Variants in CHST9 observed in about 807,000 individuals in gnomAD.
CHST9 encodes GalNAc-4-sulfotransferase 2.
A neutral mutation model predicts 44.4 loss-of-function variants in CHST9; 41 were observed. The observed-to-expected ratio is 0.92, with a 90% CI of 0.72 to 1.20. The LOEUF (loss-of-function observed/expected upper bound fraction) is 1.20, where lower values mean the gene tolerates loss of function less well. CHST9 is among the 50% of genes most tolerant of loss of function. CHST9 has a pLI of 0.00. For synonymous variants in CHST9, 171 were observed against 178.4 expected (o/e 0.96, Z 0.33); for missense variants, 504 against 516.5 (o/e 0.98, Z 0.23).
chr18:27,147,783 A>AAG (rs2143886557), intron 1 of CHST9: 2 of 151,094 alleles, frequency 1.3e-5, no homozygotes, highest in East Asian at 3.9e-4. Flanking sequence ...TCCTCTGTAA[A>AAG]CCCCTACAGT....
intron 2 of CHST9, among the ~76,000 whole-genome samples, chr18:27,081,530 T>C (rs544126518): frequency 1.3e-5 from 2 of 152,242 alleles, no homozygotes; most frequent in African/African-American, 2.4e-5. Context: ...ATGGAACTTG[T>C]CTCCCATCCC....
intron 1 of CHST9, among the ~76,000 whole-genome samples, chr18:27,157,696 T>C (rs1163744799): frequency 6.6e-6 from 1 of 152,118 alleles, no homozygotes; most frequent in Non-Finnish European, 1.5e-5. Context: ...CCTAAGGTAG[T>C]TACTGAAATA....
rs916261178 is a variant in CHST9 at position 26,980,794 on chromosome 18, A to C, written c.203-36428T>G. Among the ~76,000 whole-genome samples, 3 of 152,330 alleles carry C rather than the reference A, an allele frequency of 2.0e-5. No individual in the cohort carries two copies. In the East Asian group the frequency reaches 5.8e-4, roughly 29 times the overall value. On this transcript the variant is annotated intron_variant, in intron 4 of 5. Coordinates refer to ENST00000618847, the MANE Select transcript of CHST9 (RefSeq NM_031422.6). ...AGAGTTCATAATGAATATTTTACCAAGGGCAGAAAATGAGCAAAGAGGTAT... is the reference window on the plus strand; with the variant it reads ...AGAGTTCATAATGAATATTTTACCACGGGCAGAAAATGAGCAAAGAGGTAT...
At chr18:27,015,862 G>C (rs2057147410) in intron 4 of CHST9, among the ~76,000 whole-genome samples, 1 of 152,156 alleles carries the variant, frequency 6.6e-6, no homozygotes, top group South Asian at 2.1e-4. Flanking sequence ...CCCTCGCAAG[G>C]TCTCAATCTA....
intron 1 of CHST9, among the ~76,000 whole-genome samples, chr18:27,148,922 G>A (rs1004495784): frequency 3.0e-5 from 4 of 134,710 alleles, no homozygotes; most frequent in Non-Finnish European, 4.9e-5. Context: ...AGCATCTGTT[G>A]TTTCCTGACT....
In CHST9 at chr18:26,948,212, A is replaced by G. The variant is rs2056193215; in HGVS notation, c.203-3846T>C. 2.0e-5 allele frequency among the ~76,000 whole-genome samples: 3 copies of G among 152,170 alleles called. No homozygotes were observed. The South Asian group carries it at 6.2e-4, about 32-fold the overall frequency. ...AGCTGAACAATGAGAACACATGGGC[A>G]CAGGGAGGGGAACATCACACACTGA... On this transcript the variant is annotated intron_variant, in intron 4 of 5. Transcript: ENST00000618847.
At chr18:26,965,348 G>C (rs1464900838) in intron 4 of CHST9, among the ~76,000 whole-genome samples, 1 of 152,186 alleles carries the variant, frequency 6.6e-6, no homozygotes, top group Non-Finnish European at 1.5e-5. Flanking sequence ...AGTGCCATCA[G>C]TTTATAACTA....
At chr18:27,053,121 GGAAGAAGAGGAAGAA>G (rs1329220481) in intron 2 of CHST9, among the ~76,000 whole-genome samples, 1 of 82,740 alleles carries the variant, frequency 1.2e-5, no homozygotes, top group East Asian at 3.8e-4. Context: ...AAGAGGAGGA[GGAAGAAGAGGAAGAA>G]GAAGAAGAAG....
At chr18:26,958,072 C>G (rs553494) in intron 4 of CHST9, among the ~76,000 whole-genome samples, 103,910 of 141,870 alleles carry the variant, frequency 0.73, 39,398 homozygotes, top group African/African-American at 0.86. Context: ...TTTTAGTAGA[C>G]ATGGGGTTTC....
chr18:27,172,328 G>A (rs1567949067), intron 1 of CHST9, among the ~76,000 whole-genome samples: 1 of 151,984 alleles, frequency 6.6e-6, no homozygotes. Flanking sequence ...TGTATTAACA[G>A]TTTAATAAGA....
intron 4 of CHST9, among the ~76,000 whole-genome samples, chr18:26,965,459 C>T (rs1244553868): frequency 6.6e-6 from 1 of 152,180 alleles, no homozygotes; most frequent in African/African-American, 2.4e-5. Flanking sequence ...CCCTGGGAAG[C>T]AGGCCATCTG....
At chr18:27,039,627 C>T (rs182811744) in intron 3 of CHST9, among the ~76,000 whole-genome samples, 134 of 152,116 alleles carry the variant, frequency 8.8e-4, no homozygotes, top group African/African-American at 3.2e-3. Context: ...TGCCACTGAA[C>T]ATTTTTAACA....
Position 27,093,560 on chromosome 18 carries a change from GGA to G in CHST9, c.122-45059_122-45058del, listed in dbSNP as rs1480019283. On this transcript the variant is annotated intron_variant, in intron 2 of 5. Transcript: ENST00000618847. Reference sequence around the variant, plus strand: ...TGTGGGAGCCACTGAGCCAGGCATGGGAGAGAATCACGTTGTCTGCAGGTTGC... The same window carrying G: ...TGTGGGAGCCACTGAGCCAGGCATGGGAGAATCACGTTGTCTGCAGGTTGC... 2.0e-5 allele frequency among the ~76,000 whole-genome samples: 3 copies of G among 152,238 alleles called. No individual in the cohort carries two copies. In the South Asian group the frequency reaches 6.2e-4, roughly 31 times the overall value.
chr18:26,999,370 A>G (rs2056922775), intron 4 of CHST9, among the ~76,000 whole-genome samples: 1 of 152,164 alleles, frequency 6.6e-6, no homozygotes. Context: ...TCAACTTTGG[A>G]TTTTCAAAAT....
At chr18:26,955,726 G>T (rs1452351858) in intron 4 of CHST9, among the ~76,000 whole-genome samples, 1 of 152,110 alleles carries the variant, frequency 6.6e-6, no homozygotes, top group Non-Finnish European at 1.5e-5. Context: ...GATTACTGGT[G>T]GTAAGGAACA....
chr18:27,008,125 C>T (rs1043557755), intron 4 of CHST9, among the ~76,000 whole-genome samples: 2 of 152,082 alleles, frequency 1.3e-5, no homozygotes, highest in African/African-American at 4.8e-5. Context: ...GTCCACTCCT[C>T]CCTTGTAACA....
intron 2 of CHST9, among the ~76,000 whole-genome samples, chr18:27,135,395 CT>C (rs1024205449): frequency 2.6e-5 from 4 of 152,110 alleles, no homozygotes; most frequent in African/African-American, 7.2e-5. Flanking sequence ...TATTGTTCAA[CT>C]TTTTATAACT....
Position 27,003,436 on chromosome 18 carries a change from A to G in CHST9, c.202+20680T>C, listed in dbSNP as rs370774737. Among the ~76,000 whole-genome samples the G allele has an allele frequency of 1.2e-4, 18 of 152,272 alleles. 1 individual carries two copies. The East Asian group carries it at 2.9e-3, about 25-fold the overall frequency. ...GTGCAGCGAAGTTTTCTTTGTTTCA[A>G]TTTACAGGATGAAATAATGGGCATG... is the stretch of plus-strand genomic sequence containing the variant. On this transcript the variant is annotated intron_variant, in intron 4 of 5. Coordinates refer to ENST00000618847, the MANE Select transcript of CHST9 (RefSeq NM_031422.6).
intron 4 of CHST9, 45 bp from the exon 5 acceptor site, chr18:26,944,411 T>C: frequency 7.2e-7 from 1 of 1,384,110 alleles, no homozygotes; most frequent in South Asian, 1.2e-5. Flanking sequence ...AGCATGAAAA[T>C]GAATAAAATG....
Sources: allele counts gnomAD v4.1 joint callset (sites outside exome capture counted in the v4.1 genomes callset), GRCh38; gene constraint gnomAD v4.1.1; transcripts MANE v1.5; gene names NCBI Gene and HGNC (gene_info 2026-07-23, HGNC 2026-07-21).